Variants in CTNNA3 observed in about 807,000 individuals in gnomAD.
CTNNA3 encodes the protein catenin alpha 3.
In CTNNA3, 76 loss-of-function variants were observed where a neutral mutation model predicts 95.7. That is an observed-to-expected ratio of 0.79 (90% CI 0.66 to 0.96). CTNNA3 has a LOEUF of 0.96. CTNNA3 is among the 40% of genes least tolerant of loss of function. The pLI is 0.00. For missense variants in CTNNA3, 1,191 were observed against 1,089.8 expected (o/e 1.09, Z -1.31); for synonymous variants, 431 against 374.4 (o/e 1.15, Z -1.74).
At chr10:66,418,147 G>C (rs1446086873) in intron 11 of CTNNA3, among the ~76,000 whole-genome samples, 1 of 135,768 alleles carries the variant, frequency 7.4e-6, no homozygotes, top group East Asian at 2.2e-4. Context: ...GACTAACAAA[G>C]AAAAGAGAAG....
At position 66,927,963 on chromosome 10, in the gene CTNNA3, A is replaced by T. The variant is rs1228061621; in HGVS notation, c.1048-152439T>A. On this transcript the variant is annotated intron_variant, in intron 7 of 17. Coordinates refer to ENST00000433211, the MANE Select transcript of CTNNA3 (RefSeq NM_013266.4). The surrounding 1 kb of genome is among the most constrained non-coding windows in gnomAD (Gnocchi z 4.7). ...CCAGTCCCAAAGAGCTGCAAGGAGTAAATGTGATCGATGCAGTGAAGAACT... is the reference window on the plus strand; with the variant it reads ...CCAGTCCCAAAGAGCTGCAAGGAGTTAATGTGATCGATGCAGTGAAGAACT... 3.8e-5 allele frequency: 62 copies of T among 1,614,118 alleles called. No homozygotes were observed. Among genetic ancestry groups the T allele is most frequent in the Non-Finnish European group, 4.6e-5 (54 of 1,180,052 alleles).
intron 15 of CTNNA3, among the ~76,000 whole-genome samples, chr10:66,057,483 A>T (rs1410273239): frequency 6.6e-6 from 1 of 152,180 alleles, no homozygotes; most frequent in Non-Finnish European, 1.5e-5. Context: ...ATGTTTGCTC[A>T]TTACTTATCA....
chr10:65,945,299 G>T (rs2077499570), intron 17 of CTNNA3, among the ~76,000 whole-genome samples: 1 of 152,128 alleles, frequency 6.6e-6, no homozygotes, highest in African/African-American at 2.4e-5. Context: ...CCTTTAAGCA[G>T]TCTGGCGATG....
chr10:66,253,864 A>G (rs938019530), intron 13 of CTNNA3, among the ~76,000 whole-genome samples: 1 of 152,216 alleles, frequency 6.6e-6, no homozygotes, highest in Non-Finnish European at 1.5e-5. Context: ...CCTTGTGCAT[A>G]TTCCAGGGAC....
chr10:66,260,535 G>C (rs2090958972), intron 13 of CTNNA3, among the ~76,000 whole-genome samples: 1 of 152,050 alleles, frequency 6.6e-6, no homozygotes. Context: ...TTTGCCATTT[G>C]TCAGTTGATT....
chr10:66,540,979 C>G (rs1253128216), intron 10 of CTNNA3, among the ~76,000 whole-genome samples: 1 of 151,678 alleles, frequency 6.6e-6, no homozygotes, highest in East Asian at 1.9e-4. Context: ...TAAAAAAAGT[C>G]AAAGTATAGC....
intron 13 of CTNNA3, among the ~76,000 whole-genome samples, chr10:66,196,308 C>A (rs1382942945): frequency 6.6e-6 from 1 of 152,094 alleles, no homozygotes; most frequent in East Asian, 1.9e-4. Context: ...AGCTTACGTG[C>A]TAATACTTTA....
At chr10:66,734,284 A>C (rs1465632813) in intron 9 of CTNNA3, among the ~76,000 whole-genome samples, 3 of 151,882 alleles carry the variant, frequency 2.0e-5, no homozygotes, top group Non-Finnish European at 2.9e-5. Context: ...AACACCTTTT[A>C]AGTTGTTTTT....
intron 1 of CTNNA3, among the ~76,000 whole-genome samples, chr10:67,695,001 T>C (rs543356975): frequency 4.6e-5 from 7 of 152,318 alleles, no homozygotes; most frequent in Admixed American, 3.3e-4. Flanking sequence ...ACTGAGATAA[T>C]TTTTTATAAT....
intron 7 of CTNNA3, among the ~76,000 whole-genome samples, chr10:67,046,620 C>T (rs1392203725): frequency 1.3e-5 from 2 of 151,010 alleles, no homozygotes; most frequent in African/African-American, 4.9e-5. Flanking sequence ...AATAAGACTT[C>T]AGGAAAAAAA....
chr10:67,523,062 G>A (rs1018181660), intron 4 of CTNNA3, among the ~76,000 whole-genome samples: 4 of 152,052 alleles, frequency 2.6e-5, no homozygotes, highest in African/African-American at 7.2e-5. Flanking sequence ...CAAACTCTAT[G>A]AAATAAGTCA....
rs533450205 is a variant in CTNNA3, at chr10:67,761,534, A to G, written c.-2+1900T>C. 3.3e-5 allele frequency among the ~76,000 whole-genome samples: 5 copies of G among 152,316 alleles called. No homozygotes were observed. In the South Asian group the frequency reaches 1.0e-3, roughly 32 times the overall value. On this transcript the variant is annotated intron_variant, in intron 1 of 17. Transcript: ENST00000684154. ...AAAGGTTTTCTGAGAAAGCCAAAAC[A>G]TATTTGCCTTCCACACCCAAATTAG...
Position 67,029,770 on chromosome 10 carries a change from G to C in CTNNA3, c.1047+150547C>G, listed in dbSNP as rs540042668. On this transcript the variant is annotated intron_variant, in intron 7 of 17. Transcript: ENST00000433211. ...ATATCAAAAACCAATCAATACCTGT[G>C]ATGTCCAATAGGGTAGCCACTAACC... Among the ~76,000 whole-genome samples, 791 of 152,212 alleles carry C rather than the reference G, an allele frequency of 5.2e-3. 5 individuals carry two copies. Among genetic ancestry groups the C allele is most frequent in the Middle Eastern group, 0.01 (3 of 294 alleles).
chr10:66,040,643 C>T (rs973128677), intron 15 of CTNNA3, among the ~76,000 whole-genome samples: 2 of 152,096 alleles, frequency 1.3e-5, no homozygotes, highest in Non-Finnish European at 2.9e-5. Context: ...CCAAATCCAG[C>T]ATGTTCTCAC....
intron 5 of CTNNA3, among the ~76,000 whole-genome samples, chr10:67,333,626 G>C (rs183423828): frequency 1.5e-3 from 223 of 152,220 alleles, no homozygotes; most frequent in Non-Finnish European, 2.4e-3. Flanking sequence ...TTCTAAAAAG[G>C]CATGGAAATT....
At chr10:66,240,518 A>G (rs1408209917) in intron 13 of CTNNA3, among the ~76,000 whole-genome samples, 1 of 152,142 alleles carries the variant, frequency 6.6e-6, no homozygotes. Flanking sequence ...GATGCGCTAT[A>G]GTACTACAAA....
chr10:66,388,345 G>T (rs1211670054), intron 11 of CTNNA3, among the ~76,000 whole-genome samples: 1 of 152,072 alleles, frequency 6.6e-6, no homozygotes, highest in African/African-American at 2.4e-5. Flanking sequence ...AAGATGAAAT[G>T]ATAGCTTGTA....
rs534031816 is a variant in CTNNA3, at chr10:65,917,394, C to G, written c.*2936G>C. Reference sequence around the variant, plus strand: ...TAAAGGGAATGATTTCTATTTCTCACTTTTTATATTTGATAGAAATCTTCA... The same window carrying G: ...TAAAGGGAATGATTTCTATTTCTCAGTTTTTATATTTGATAGAAATCTTCA... On this transcript the variant is annotated 3_prime_UTR_variant, in exon 18 of 18. Coordinates refer to ENST00000433211, the MANE Select transcript of CTNNA3 (RefSeq NM_013266.4). The G allele has an allele frequency of 6.6e-6, 1 of 151,500 alleles. No individual in the cohort carries two copies. The highest frequency in any genetic ancestry group is 1.5e-5 in the Non-Finnish European group (1 of 67,886). 9.4% of individuals were successfully genotyped at this position (151,500 alleles called of 1,614,324 possible).
chr10:67,179,068 C>A (rs1017018773), intron 7 of CTNNA3, among the ~76,000 whole-genome samples: 1 of 151,910 alleles, frequency 6.6e-6, no homozygotes, highest in Non-Finnish European at 1.5e-5. Flanking sequence ...CAAAATGCAC[C>A]AAATAATTTT....
Sources: gnomAD v4.1 joint callset for allele counts (sites outside exome capture counted in the v4.1 genomes callset) on GRCh38, gnomAD v4.1.1 for gene constraint, Gnocchi (gnomAD v3.1) non-coding constraint, MANE v1.5 for transcripts, NCBI Gene and HGNC (gene_info 2026-07-23, HGNC 2026-07-21) for gene names.